Variants in ZNF430 observed in about 807,000 individuals in gnomAD.
ZNF430 encodes the protein zinc finger protein 430.
In ZNF430, 35 loss-of-function variants were observed where a neutral mutation model predicts 56.7. That is an observed-to-expected ratio of 0.62 (90% CI 0.47 to 0.82). The LOEUF is 0.82. Among genes scored for constraint, ZNF430 ranks in the 40% least tolerant of loss-of-function variants. ZNF430 has a pLI of 0.00. For synonymous variants in ZNF430, 212 were observed against 224.3 expected (o/e 0.94, Z 0.49); for missense variants, 574 against 661.0 (o/e 0.87, Z 1.44).
intron 4 of ZNF430, among the ~76,000 whole-genome samples, chr19:21,048,594 A>G (rs1968224819): frequency 6.6e-6 from 1 of 152,150 alleles, no homozygotes; most frequent in African/African-American, 2.4e-5. Context: ...TTCTACACAG[A>G]CACAGCAACA....
chr19:21,032,590 G>A (rs1383179061), intron 2 of ZNF430, among the ~76,000 whole-genome samples: 1 of 152,080 alleles, frequency 6.6e-6, no homozygotes, highest in Non-Finnish European at 1.5e-5. Context: ...AGCTGGGCAT[G>A]GTGGTACATG....
At chr19:21,038,957 CTGAT>C (rs1423203348) in intron 4 of ZNF430, among the ~76,000 whole-genome samples, 1 of 151,836 alleles carries the variant, frequency 6.6e-6, no homozygotes, top group Non-Finnish European at 1.5e-5. Context: ...GTTTGATTGA[CTGAT>C]TGATTCGAGA....
chr19:21,039,401 T>G (rs975665961), intron 4 of ZNF430, among the ~76,000 whole-genome samples: 3 of 30,242 alleles, frequency 9.9e-5, no homozygotes, highest in Non-Finnish European at 1.1e-4. Context: ...GGCCCATGTG[T>G]TTTTTTTTTT....
chr19:21,052,586 G>GA (rs1968301024), intron 4 of ZNF430, among the ~76,000 whole-genome samples: 2 of 152,154 alleles, frequency 1.3e-5, no homozygotes, highest in Non-Finnish European at 2.9e-5. Flanking sequence ...TCTCTTTGCA[G>GA]TTTTGACCTA....
rs144109844 is a variant in ZNF430 at position 21,057,331 on chromosome 19, A to G, written c.1023A>G (p.Gly341=). ...HLTTHKIIHT[G]EKPYKCEECG... ...CTACACATAAGATTATTCATACTGG[A>G]GAGAAACCCTACAAATGTGAAGAAT... The change falls in exon 5 of 5, where the codon GGA becomes GGG. Residue 341 remains glycine, a synonymous_variant. Coordinates refer to ENST00000261560, the MANE Select transcript of ZNF430 (RefSeq NM_025189.4). 236 of 1,613,516 alleles carry G rather than the reference A, an allele frequency of 1.5e-4. No homozygotes were observed. The African/African-American group carries it at 2.9e-3, about 20-fold the overall frequency.
intron 4 of ZNF430, among the ~76,000 whole-genome samples, chr19:21,048,569 C>A (rs1468555176): frequency 6.6e-6 from 1 of 152,076 alleles, no homozygotes; most frequent in Non-Finnish European, 1.5e-5. Flanking sequence ...AATGGAGTCT[C>A]CTATGTCTAC....
At chr19:21,039,399 T>TG (rs1368342607) in intron 4 of ZNF430, among the ~76,000 whole-genome samples, 2 of 96,330 alleles carry the variant, frequency 2.1e-5, no homozygotes, top group Non-Finnish European at 5.0e-5. Flanking sequence ...TCGGCCCATG[T>TG]GTTTTTTTTT....
At position 21,059,081 on chromosome 19, in the gene ZNF430, A is replaced by G. The variant is rs1324713966; in HGVS notation, c.*1060A>G. On this transcript the variant is annotated 3_prime_UTR_variant, in exon 5 of 5. Coordinates refer to ENST00000261560, the MANE Select transcript of ZNF430 (RefSeq NM_025189.4). ...AACACTTTTTCAAAAAGTACAGCTT[A>G]GAAGACACCAGAGTTCATACTAAAA... 4 of 152,256 alleles carry G rather than the reference A, an allele frequency of 2.6e-5. No homozygotes were observed. Among genetic ancestry groups the G allele is most frequent in the Non-Finnish European group, 5.9e-5 (4 of 68,048 alleles). The allele number at this position is 152,256 out of a possible 1,614,324, so 9.4% of individuals were successfully genotyped here.
At chr19:21,030,780 G>T (rs758115683) in intron 2 of ZNF430, among the ~76,000 whole-genome samples, 1 of 151,602 alleles carries the variant, frequency 6.6e-6, no homozygotes, top group Non-Finnish European at 1.5e-5. Context: ...TCCACATTAC[G>T]TAGAGTGGGG....
At chr19:21,049,946 A>G (rs1405539893) in intron 4 of ZNF430, among the ~76,000 whole-genome samples, 1 of 20,668 alleles carries the variant, frequency 4.8e-5, no homozygotes, top group Non-Finnish European at 1.0e-4. Context: ...TTTTTTTGAG[A>G]CAGAGTCTCT....
At chr19:21,050,028 G>A (rs1264124279) in intron 4 of ZNF430, among the ~76,000 whole-genome samples, 5 of 6,506 alleles carry the variant, frequency 7.7e-4, no homozygotes, top group African/African-American at 1.7e-3. Flanking sequence ...GACCACAGGC[G>A]CCCACCACCA....
intron 4 of ZNF430, among the ~76,000 whole-genome samples, chr19:21,052,534 T>C (rs925929751): frequency 1.3e-5 from 2 of 152,166 alleles, no homozygotes; most frequent in Non-Finnish European, 2.9e-5. Context: ...TATATATACA[T>C]AGGTTCCCAG....
At chr19:21,049,194 AAAAGT>A (rs1454516119) in intron 4 of ZNF430, among the ~76,000 whole-genome samples, 4 of 150,544 alleles carry the variant, frequency 2.7e-5, no homozygotes, top group African/African-American at 9.7e-5. Flanking sequence ...AAAAAAAAAA[AAAAGT>A]AAAAAAGATA....
rs1006423582 is a variant in ZNF430 at position 21,020,900 on chromosome 19, C to G, written c.3+97C>G. ...GGGACTCAGGCCTCCCGGCAGTCAG[C>G]TGCACAATCTGCGCCCCGAGTTCTT... On this transcript the variant is annotated intron_variant, in intron 1 of 4. Coordinates refer to ENST00000261560, the MANE Select transcript of ZNF430 (RefSeq NM_025189.4). The G allele has an allele frequency of 3.9e-6, 6 of 1,524,256 alleles. No individual in the cohort carries two copies. The African/African-American group carries it at 8.2e-5, about 21-fold the overall frequency. The allele number at this position is 1,524,256 out of a possible 1,614,324, so 94.4% of individuals were successfully genotyped here.
rs777279078 is a variant in ZNF430, at chr19:21,057,970, A to C, written c.1662A>C (p.Ser554=). ...ACGGCAAAGCTTTCAACCAGTCCTC[A>C]AACCTTATTGAACAAAGTAATTCAT... The part of the protein sequence containing the change: ...EEYGKAFNQS[S]NLIEQSNSYW... Residue 554 remains serine (S), a synonymous_variant, in exon 5 of 5, where the codon TCA becomes TCC. Coordinates refer to ENST00000261560, the MANE Select transcript of ZNF430 (RefSeq NM_025189.4). 5.6e-6 allele frequency: 9 copies of C among 1,612,780 alleles called. No individual in the cohort carries two copies. The highest frequency in any genetic ancestry group is 6.8e-6 in the Non-Finnish European group (8 of 1,179,604).
At chr19:21,051,770 T>C (rs1472891863) in intron 4 of ZNF430, among the ~76,000 whole-genome samples, 1 of 152,240 alleles carries the variant, frequency 6.6e-6, no homozygotes, top group Non-Finnish European at 1.5e-5. Flanking sequence ...ATTATAGGCG[T>C]GAGCCACTGC....
rs779913456 is a variant in ZNF430, at chr19:21,033,470, T to TCAGGGGCCATTGACATTC, written c.111_112insCAGGGGCCATTGACATTC (p.Phe37_Arg38insGlnGlyProLeuThrPhe). ...GTGTTTTTCAGGGGCCATTGACATT[T>TCAGGGGCCATTGACATTC]AGGGATGTGGCCATAGAATTTTCTC... On this transcript the variant is annotated inframe_insertion, in exon 3 of 5. Transcript: ENST00000261560. 25 of 1,610,800 alleles carry TCAGGGGCCATTGACATTC rather than the reference T, an allele frequency of 1.6e-5. No individual in the cohort carries two copies. The South Asian group carries it at 2.5e-4, about 16-fold the overall frequency.
At chr19:21,050,106 G>C (rs62122605) in intron 4 of ZNF430, among the ~76,000 whole-genome samples, 1 of 143,002 alleles carries the variant, frequency 7.0e-6, no homozygotes, top group African/African-American at 2.7e-5. Flanking sequence ...GGACGGTCTC[G>C]ATCTCCTGAC....
At chr19:21,032,581 G>A (rs1040268210) in intron 2 of ZNF430, among the ~76,000 whole-genome samples, 6 of 152,102 alleles carry the variant, frequency 3.9e-5, no homozygotes, top group Admixed American at 3.9e-4. Context: ...TACAAAATTA[G>A]CTGGGCATGG....
Sources: gnomAD v4.1 joint callset for allele counts (sites outside exome capture counted in the v4.1 genomes callset) on GRCh38, gnomAD v4.1.1 for gene constraint, MANE v1.5 for transcripts, NCBI Gene and HGNC (gene_info 2026-07-23, HGNC 2026-07-21) for gene names.